METTL6: variants seen among roughly 807,000 people sequenced by gnomAD.
METTL6 encodes methyltransferase 6, tRNA N3-cytidine.
METTL6 carries 22 observed loss-of-function variants against 26.4 expected under a neutral mutation model. The ratio of observed to expected loss-of-function variants is 0.83; its 90% CI spans 0.59 to 1.19. The LOEUF is 1.19. Among genes scored for constraint, METTL6 ranks in the 50% most tolerant of loss-of-function variants. The pLI, the probability that METTL6 is intolerant of heterozygous loss-of-function variation, is 0.00. For synonymous variants in METTL6, 109 were observed against 116.2 expected (o/e 0.94, Z 0.40); for missense variants, 304 against 324.8 (o/e 0.94, Z 0.49).
chr3:15,389,844 G>A (rs1026755813), intron 6 of METTL6, among the ~76,000 whole-genome samples: 4 of 141,032 alleles, frequency 2.8e-5, no homozygotes, highest in Admixed American at 7.4e-5. Context: ...CACCGCGCCC[G>A]GCCAATTTTT....
At chr3:15,418,009 G>C (rs1341282438) in intron 3 of METTL6, among the ~76,000 whole-genome samples, 1 of 152,212 alleles carries the variant, frequency 6.6e-6, no homozygotes, top group Non-Finnish European at 1.5e-5. Flanking sequence ...AGAGGGGTTT[G>C]AAGTCTCTGG....
chr3:15,400,514 T>A (rs1259363488), intron 6 of METTL6, among the ~76,000 whole-genome samples: 1 of 152,154 alleles, frequency 6.6e-6, no homozygotes, highest in Non-Finnish European at 1.5e-5. Context: ...AAAGAAAATA[T>A]CCTTAAAGAA....
At chr3:15,401,520 T>C (rs1575402380) in intron 6 of METTL6, among the ~76,000 whole-genome samples, 1 of 119,774 alleles carries the variant, frequency 8.3e-6, no homozygotes, top group Non-Finnish European at 1.6e-5. Context: ...AAGGATACAG[T>C]GAGCCATGTT....
At chr3:15,420,378 T>C (rs2061585128) in intron 3 of METTL6, among the ~76,000 whole-genome samples, 1 of 152,180 alleles carries the variant, frequency 6.6e-6, no homozygotes, top group African/African-American at 2.4e-5. Context: ...TTCTAGATGT[T>C]TAGAAGTGCA....
chr3:15,417,665 T>C (rs922434560), intron 3 of METTL6, among the ~76,000 whole-genome samples: 1 of 152,016 alleles, frequency 6.6e-6, no homozygotes, highest in Non-Finnish European at 1.5e-5. Flanking sequence ...GTATATTATA[T>C]GATAAAAGAT....
In METTL6 at chr3:15,410,247, G is replaced by T. The variant is rs1256489189; in HGVS notation, c.*1009C>A. On this transcript the variant is annotated 3_prime_UTR_variant, in exon 6 of 6. Transcript: ENST00000383790. ...CCCAGTGGTTGCCTGAAACCAAGATGGTACCAAACTCTAAAAAAAAAAGAA... is the reference window on the plus strand; with the variant it reads ...CCCAGTGGTTGCCTGAAACCAAGATTGTACCAAACTCTAAAAAAAAAAGAA... Among the ~76,000 whole-genome samples the T allele has an allele frequency of 6.6e-6, 1 of 151,572 alleles. No individual in the cohort carries two copies. The highest frequency in any genetic ancestry group is 1.9e-4 in the East Asian group (1 of 5,190).
intron 5 of METTL6, among the ~76,000 whole-genome samples, chr3:15,412,944 CT>C (rs1700034221): frequency 6.6e-6 from 1 of 152,126 alleles, no homozygotes; most frequent in South Asian, 2.1e-4. Flanking sequence ...TCAAAAATGA[CT>C]TTTTAAATAC....
intron 6 of METTL6, among the ~76,000 whole-genome samples, chr3:15,386,448 G>A (rs1699193442): frequency 6.6e-6 from 1 of 152,158 alleles, no homozygotes; most frequent in Admixed American, 6.5e-5. Flanking sequence ...GGAATGAAAG[G>A]AAGCAAAGTC....
chr3:15,387,677 T>A (rs921408938), intron 6 of METTL6, among the ~76,000 whole-genome samples: 1 of 152,138 alleles, frequency 6.6e-6, no homozygotes, highest in African/African-American at 2.4e-5. Context: ...CCCAAATACT[T>A]ATATAGCCTT....
chr3:15,399,901 A>AAT (rs1323615306), intron 6 of METTL6, among the ~76,000 whole-genome samples: 1 of 152,080 alleles, frequency 6.6e-6, no homozygotes, highest in Non-Finnish European at 1.5e-5. Flanking sequence ...CAAGAAACTA[A>AAT]AGACACAGGA....
Position 15,411,078 on chromosome 3 carries a change from AGAGATG to A in METTL6, c.*172_*177del. The A allele has an allele frequency of 1.7e-6, 1 of 581,176 alleles. No homozygotes were observed. Among genetic ancestry groups the A allele is most frequent in the South Asian group, 2.5e-5 (1 of 40,296 alleles). The allele number at this position is 581,176 out of a possible 1,614,324, so 36.0% of individuals were successfully genotyped here. On this transcript the variant is annotated 3_prime_UTR_variant, in exon 6 of 6. Coordinates refer to ENST00000383790, the MANE Select transcript of METTL6 (RefSeq NM_152396.4). ...CAGCTAATTTTTTTGTATTTTTAGT[AGAGATG>A]GGGTCTCACCATGTTGGCCAGGCTG...
At position 15,420,716 on chromosome 3, in the gene METTL6, G is replaced by A. The variant is rs113956732; in HGVS notation, c.360+4239C>T. Among the ~76,000 whole-genome samples the A allele has an allele frequency of 5.7e-3, 863 of 152,264 alleles. 7 individuals are homozygous for A. The highest frequency in any genetic ancestry group is 0.018 in the African/African-American group (760 of 41,550). Reference sequence around the variant, plus strand: ...TCTAGATGTTAAAGAGGTTGACAGCGTATGACCAACGTAGAGTCAGTAACC... The same window carrying A: ...TCTAGATGTTAAAGAGGTTGACAGCATATGACCAACGTAGAGTCAGTAACC... On this transcript the variant is annotated intron_variant, in intron 3 of 5. Coordinates refer to ENST00000383790, the MANE Select transcript of METTL6 (RefSeq NM_152396.4).
chr3:15,426,751 T>C (rs2061734475), intron 1 of METTL6, 116 bp from the exon 2 acceptor site: 2 of 544,464 alleles, frequency 3.7e-6, no homozygotes, highest in Non-Finnish European at 6.5e-6. Context: ...TCCCGCTATA[T>C]GAGAGGTCAC....
intron 1 of METTL6, among the ~76,000 whole-genome samples, chr3:15,427,143 G>A (rs2125057448): frequency 6.6e-6 from 1 of 152,332 alleles, no homozygotes; most frequent in South Asian, 2.1e-4. Context: ...GAACCAGAGG[G>A]AGCGTCACTT....
At chr3:15,405,636 A>G (rs1699764153), downstream of METTL6, among the ~76,000 whole-genome samples, 1 of 152,238 alleles carries the variant, frequency 6.6e-6, no homozygotes, top group African/African-American at 2.4e-5. Context: ...GTGGTACAAC[A>G]TTCAAATCCC....
chr3:15,415,605 G>A, intron 4 of METTL6, 167 bp downstream of exon 4: 2 of 1,608,794 alleles, frequency 1.2e-6, no homozygotes, highest in Non-Finnish European at 1.7e-6. Flanking sequence ...AGAATTTAGG[G>A]TGGATGTTTT....
chr3:15,416,416 A>G (rs1454593571), intron 3 of METTL6, among the ~76,000 whole-genome samples: 1 of 151,964 alleles, frequency 6.6e-6, no homozygotes. Flanking sequence ...GCATCTGGCT[A>G]AATTTTTATT....
At chr3:15,415,144 T>C (rs1700142315) in intron 4 of METTL6, among the ~76,000 whole-genome samples, 1 of 152,236 alleles carries the variant, frequency 6.6e-6, no homozygotes, top group African/African-American at 2.4e-5. Flanking sequence ...CATTTCATTG[T>C]GCCACAATGT....
At chr3:15,421,561 A>C (rs1013202370) in intron 3 of METTL6, among the ~76,000 whole-genome samples, 1 of 152,176 alleles carries the variant, frequency 6.6e-6, no homozygotes, top group Non-Finnish European at 1.5e-5. Context: ...TCCGGGCTCA[A>C]GTGATTTTCC....
Sources: gnomAD v4.1 joint callset for allele counts (sites outside exome capture counted in the v4.1 genomes callset) on GRCh38, gnomAD v4.1.1 for gene constraint, MANE v1.5 for transcripts, NCBI Gene and HGNC (gene_info 2026-07-23, HGNC 2026-07-21) for gene names.